The following UVRAG variants were observed in gnomAD, a reference collection of about 807,000 sequenced individuals.
UVRAG encodes the protein UV radiation resistance associated.
A neutral mutation model predicts 78.0 loss-of-function variants in UVRAG; 19 were observed. That is an observed-to-expected ratio of 0.24 (90% CI 0.17 to 0.36). The LOEUF (loss-of-function observed/expected upper bound fraction) is 0.36, where lower values mean the gene tolerates loss of function less well. Ranked by LOEUF, UVRAG falls within the 10% of genes least tolerant of loss-of-function variation. The pLI is 1.00. For missense variants in UVRAG, 740 were observed against 853.8 expected (o/e 0.87, Z 1.66); for synonymous variants, 323 against 324.6 (o/e 1.00, Z 0.05).
chr11:75,968,647 G>A (rs1374929276), intron 7 of UVRAG, among the ~76,000 whole-genome samples: 1 of 152,134 alleles, frequency 6.6e-6, no homozygotes, highest in African/African-American at 2.4e-5. Context: ...ACATATCTCA[G>A]TATGTACCCT....
intron 6 of UVRAG, among the ~76,000 whole-genome samples, chr11:75,925,406 T>G (rs1006457008): frequency 2.0e-5 from 3 of 152,238 alleles, no homozygotes; most frequent in Non-Finnish European, 4.4e-5. Context: ...AAAGTGGATG[T>G]TTCACCTTGG....
chr11:75,947,586 C>T (rs1293750160), intron 6 of UVRAG, among the ~76,000 whole-genome samples: 2 of 152,134 alleles, frequency 1.3e-5, no homozygotes, highest in Admixed American at 6.6e-5. Flanking sequence ...AATAATGTGT[C>T]TGTGAAAAAG....
At chr11:75,873,957 GTTCC>G (rs1276364660) in intron 3 of UVRAG, among the ~76,000 whole-genome samples, 1 of 152,214 alleles carries the variant, frequency 6.6e-6, no homozygotes, top group East Asian at 1.9e-4. Context: ...TGAAGGGCCA[GTTCC>G]TTCTTAGCTA....
chr11:76,081,844 G>T (rs914848977), intron 13 of UVRAG, among the ~76,000 whole-genome samples: 1 of 149,546 alleles, frequency 6.7e-6, no homozygotes, highest in Non-Finnish European at 1.5e-5. Flanking sequence ...ATTAATTAAG[G>T]TATATTTATG....
At chr11:76,052,288 C>T (rs762028148) in intron 12 of UVRAG, among the ~76,000 whole-genome samples, 24 of 152,268 alleles carry the variant, frequency 1.6e-4, no homozygotes, top group African/African-American at 5.1e-4. Context: ...TTCCTTCATC[C>T]CCCCGGTTAT....
At chr11:75,929,992 C>T (rs964920247) in intron 6 of UVRAG, among the ~76,000 whole-genome samples, 1 of 152,200 alleles carries the variant, frequency 6.6e-6, no homozygotes, top group Admixed American at 6.5e-5. Context: ...GCCCTGGATA[C>T]TTTGCGTTAT....
intron 13 of UVRAG, among the ~76,000 whole-genome samples, chr11:76,071,262 T>C (rs1431152355): frequency 6.6e-6 from 1 of 152,186 alleles, no homozygotes; most frequent in Non-Finnish European, 1.5e-5. Flanking sequence ...AGCTTAGATA[T>C]GAATGATGAC....
intron 1 of UVRAG, among the ~76,000 whole-genome samples, chr11:75,831,211 G>C (rs992250786): frequency 3.3e-5 from 5 of 152,156 alleles, no homozygotes; most frequent in African/African-American, 1.2e-4. Flanking sequence ...GTGGGTGGCC[G>C]GGAACGGTGG....
At chr11:76,122,501 G>A (rs887809646) in intron 14 of UVRAG, among the ~76,000 whole-genome samples, 4 of 152,220 alleles carry the variant, frequency 2.6e-5, no homozygotes, top group Non-Finnish European at 5.9e-5. Flanking sequence ...AAATAGGTAA[G>A]TACCTAGCAT....
intron 14 of UVRAG, among the ~76,000 whole-genome samples, chr11:76,139,193 C>G (rs777452385): frequency 6.6e-6 from 1 of 152,082 alleles, no homozygotes; most frequent in Non-Finnish European, 1.5e-5. Context: ...CAAGAATAAC[C>G]CTTGCTTGGG....
chr11:76,103,515 T>C (rs6592624), intron 13 of UVRAG, among the ~76,000 whole-genome samples: 13,851 of 151,566 alleles, frequency 0.091, 1,395 homozygotes, highest in African/African-American at 0.26. Flanking sequence ...CAGTGTGCAC[T>C]TGAAAGGTCA....
At chr11:75,852,697 G>T (rs2134747820) in intron 2 of UVRAG, among the ~76,000 whole-genome samples, 2 of 152,246 alleles carry the variant, frequency 1.3e-5, no homozygotes, top group East Asian at 1.9e-4. Context: ...AAAGATCACG[G>T]TTTTTGGAAC....
intron 12 of UVRAG, among the ~76,000 whole-genome samples, chr11:76,029,970 A>G (rs1262592109): frequency 6.6e-6 from 1 of 152,240 alleles, no homozygotes; most frequent in African/African-American, 2.4e-5. Flanking sequence ...CAGCAAAAAC[A>G]TTATGACTCT....
chr11:75,947,465 T>C (rs1366274415), intron 6 of UVRAG, among the ~76,000 whole-genome samples: 1 of 152,058 alleles, frequency 6.6e-6, no homozygotes, highest in Non-Finnish European at 1.5e-5. Flanking sequence ...GAGATACGAG[T>C]TATATTATGA....
At chr11:76,008,317 T>C (rs1949989289) in intron 10 of UVRAG, among the ~76,000 whole-genome samples, 1 of 152,200 alleles carries the variant, frequency 6.6e-6, no homozygotes, top group Non-Finnish European at 1.5e-5. Context: ...CTGGGGTAAC[T>C]GTCAGGCTGT....
intron 13 of UVRAG, among the ~76,000 whole-genome samples, chr11:76,081,503 C>A (rs1353628210): frequency 6.6e-6 from 1 of 151,994 alleles, no homozygotes; most frequent in South Asian, 2.1e-4. Flanking sequence ...ACCGACCGCA[C>A]CTGGCCAAGT....
intron 12 of UVRAG, among the ~76,000 whole-genome samples, chr11:76,054,940 G>C (rs1950949872): frequency 6.6e-6 from 1 of 152,208 alleles, no homozygotes; most frequent in African/African-American, 2.4e-5. Context: ...TATAAAGTAA[G>C]TAAATCATTT....
At position 76,098,036 on chromosome 11, in the gene UVRAG, C is replaced by T. The variant is rs1376489332; in HGVS notation, c.1306-17888C>T. Among the ~76,000 whole-genome samples, 11 of 151,886 alleles carry T rather than the reference C, an allele frequency of 7.2e-5. No homozygotes were observed. In the East Asian group the frequency reaches 1.5e-3, roughly 21 times the overall value. ...ACGCTGTGGATCTTATCGTTCATCT[C>T]GGATGGTTTTTGTTTGTTTGTTTGT... is the stretch of plus-strand genomic sequence containing the variant. On this transcript the variant is annotated intron_variant, in intron 13 of 14. Transcript: ENST00000356136.
chr11:76,024,564 CATATT>C lies in UVRAG; in HGVS notation c.1226+7588_1226+7592del. 3.3e-5 allele frequency among the ~76,000 whole-genome samples: 5 copies of C among 152,124 alleles called. No homozygotes were observed. In the Middle Eastern group the frequency reaches 0.014, roughly 414 times the overall value. On this transcript the variant is annotated intron_variant, in intron 12 of 14. Transcript: ENST00000356136. ...TGCATCTTATAATTAATGGGCATGTCATATTATAATTGATAGTACTTTTCTTAGTG... is the reference window on the plus strand; with the variant it reads ...TGCATCTTATAATTAATGGGCATGTCATAATTGATAGTACTTTTCTTAGTG...
Sources: gnomAD v4.1 joint callset for allele counts (sites outside exome capture counted in the v4.1 genomes callset) on GRCh38, gnomAD v4.1.1 for gene constraint, MANE v1.5 for transcripts, NCBI Gene and HGNC (gene_info 2026-07-23, HGNC 2026-07-21) for gene names.